The following ZDHHC19 variants were observed in gnomAD, a reference collection of about 807,000 sequenced individuals.
ZDHHC19 encodes the protein palmitoyltransferase ZDHHC19.
A neutral mutation model predicts 33.9 loss-of-function variants in ZDHHC19; 30 were observed. The observed-to-expected ratio is 0.88, with a 90% CI of 0.66 to 1.20. The LOEUF (loss-of-function observed/expected upper bound fraction) is 1.20. ZDHHC19 is among the 50% of genes most tolerant of loss of function. ZDHHC19 has a pLI of 0.00. For missense variants in ZDHHC19, 364 were observed against 401.1 expected (o/e 0.91, Z 0.79); for synonymous variants, 178 against 167.6 (o/e 1.06, Z -0.48).
Position 196,198,441 on chromosome 3 carries a change from C to T in ZDHHC19, c.784G>A (p.Glu262Lys), listed in dbSNP as rs375626877. 1.5e-5 allele frequency: 24 copies of T among 1,570,312 alleles called. No homozygotes were observed. The African/African-American group carries it at 3.0e-4, about 19-fold the overall frequency. ...CAPLGPKYMA[E>K]AVQLQRVVGP... ...ACCACTCTCTGCAGCTGGACAGCTT[C>T]AGCCATGTACCTGGGGAGCAGCAGG... The change falls in exon 7 of 8, where the codon GAA (glutamate) becomes AAA (lysine). Residue 262 changes from glutamate (E) to lysine (K), a missense_variant. By Grantham distance (56) the Glu-to-Lys change is moderately conservative. Transcript: ENST00000296326.
At chr3:196,199,399 C>T (rs1337375188) in intron 5 of ZDHHC19, 2 of 160,002 alleles carry the variant, frequency 1.2e-5, no homozygotes, top group Admixed American at 1.2e-4. Context: ...GGCCCAGCAG[C>T]ATCTCTGCCC....
chr3:196,209,993 C>T (rs1723086074), intron 2 of ZDHHC19, among the ~76,000 whole-genome samples: 1 of 152,156 alleles, frequency 6.6e-6, no homozygotes, highest in African/African-American at 2.4e-5. Flanking sequence ...AGTTCGAGAC[C>T]AGCCTGGCCA....
At chr3:196,208,350 C>T in intron 4 of ZDHHC19, 38 bp downstream of exon 4, 4 of 1,485,002 alleles carry the variant, frequency 2.7e-6, no homozygotes, top group Non-Finnish European at 3.6e-6. Flanking sequence ...CCTTGGCTGT[C>T]CCCGCCTCCT....
intron 1 of ZDHHC19, 110 bp downstream of exon 1, chr3:196,211,060 T>C: frequency 6.5e-7 from 1 of 1,548,558 alleles, no homozygotes; most frequent in African/African-American, 1.4e-5. Flanking sequence ...TATCCCCTTT[T>C]CCCTGACCTC....
intron 5 of ZDHHC19, 140 bp downstream of exon 5, chr3:196,207,258 C>CT (rs1722810315): frequency 1.5e-6 from 1 of 679,810 alleles, no homozygotes; most frequent in Admixed American, 2.7e-5. Context: ...ATTGGAGCCT[C>CT]TTAAGAGCTG....
In ZDHHC19 at chr3:196,209,701, C is replaced by T. The variant is rs190867222; in HGVS notation, c.269-186G>A. ...AGTCAAAGGGAAGACGGGTTTCCAG[C>T]CAGGAGAGTTTTGTATGAAACTCAG... On this transcript the variant is annotated intron_variant, in intron 2 of 7. Coordinates refer to ENST00000296326, the MANE Select transcript of ZDHHC19 (RefSeq NM_001039617.2). Among the ~76,000 whole-genome samples the T allele has an allele frequency of 3.2e-4, 49 of 152,326 alleles. 1 individual carries two copies. The highest frequency in any genetic ancestry group is 2.7e-3 in the Admixed American group (41 of 15,302).
rs1722522432 is a variant in ZDHHC19 at position 196,203,586 on chromosome 3, G to A, written c.687+3812C>T. ...AGAAGGCCTGAGGCAGGTGCTGCGG[G>A]CTGCGGGAAGGAGCCCTGCCTGGTG... On this transcript the variant is annotated intron_variant, in intron 5 of 7. Transcript: ENST00000296326. This position sits in a 1 kb window ranked among gnomAD's most constrained non-coding sequence, Gnocchi z 4.3. Among the ~76,000 whole-genome samples, 1 of 152,218 alleles carries A rather than the reference G, an allele frequency of 6.6e-6. No individual in the cohort carries two copies. Among genetic ancestry groups the A allele is most frequent in the Non-Finnish European group, 1.5e-5 (1 of 68,042 alleles).
intron 5 of ZDHHC19, among the ~76,000 whole-genome samples, chr3:196,200,585 A>G (rs915861350): frequency 2.0e-5 from 3 of 148,742 alleles, no homozygotes; most frequent in Non-Finnish European, 4.4e-5. Context: ...CGATCTCCTG[A>G]CCTCGTGATC....
intron 5 of ZDHHC19, among the ~76,000 whole-genome samples, chr3:196,204,443 T>A (rs1203546093): frequency 6.6e-6 from 1 of 152,220 alleles, no homozygotes; most frequent in East Asian, 1.9e-4. Context: ...AGAATGTCAA[T>A]TCTCCCCAAA....
At chr3:196,200,424 A>G (rs1421548686) in intron 5 of ZDHHC19, among the ~76,000 whole-genome samples, 49 of 136,380 alleles carry the variant, frequency 3.6e-4, no homozygotes, top group East Asian at 8.8e-4. Flanking sequence ...GCGCGATCTC[A>G]GCTCACTGCA....
rs762142418 is a variant in ZDHHC19, at chr3:196,211,260, A to G, written c.56T>C (p.Leu19Pro). The change falls in exon 1 of 8, where the codon CTG (leucine) becomes CCG (proline). Residue 19 changes from leucine to proline, a missense_variant. By Grantham distance (98) the Leu-to-Pro change is moderately conservative (BLOSUM62 -3). Transcript: ENST00000296326. ...PLVKEPHPLP[L>P]VPRPWFLPSL... Reference sequence around the variant, plus strand: ...AGGGAGGAACCAGGGACGTGGGACCAGAGGCAGGGGATGGGGCTCCTTCAC... The same window carrying G: ...AGGGAGGAACCAGGGACGTGGGACCGGAGGCAGGGGATGGGGCTCCTTCAC... 1.2e-5 allele frequency: 19 copies of G among 1,614,066 alleles called. No individual in the cohort carries two copies. Among genetic ancestry groups the G allele is most frequent in the Non-Finnish European group, 1.6e-5 (19 of 1,180,032 alleles).
At chr3:196,199,299 A>G in intron 5 of ZDHHC19, 1 of 170,828 alleles carries the variant, frequency 5.9e-6, no homozygotes, top group South Asian at 1.3e-4. Flanking sequence ...CATCCACCTC[A>G]CCCCCTCCCA....
At chr3:196,208,831 T>C (rs1722991164) in intron 3 of ZDHHC19, 8 of 476,580 alleles carry the variant, frequency 1.7e-5, no homozygotes, top group Middle Eastern at 5.7e-4. Flanking sequence ...CACATCCTAC[T>C]GTAACTCTGG....
chr3:196,209,254 C>A (rs1723019716), intron 3 of ZDHHC19, 122 bp downstream of exon 3: 2 of 1,373,590 alleles, frequency 1.5e-6, no homozygotes, highest in Non-Finnish European at 1.9e-6. Flanking sequence ...GTTACTGCCA[C>A]CCTTGGCCTT....
In ZDHHC19 at chr3:196,198,999, G is replaced by T. The variant is rs1017520103; in HGVS notation, c.688-125C>A. The T allele has an allele frequency of 2.3e-5, 21 of 913,418 alleles. No individual in the cohort carries two copies. In the African/African-American group the frequency reaches 3.4e-4, roughly 15 times the overall value. The allele number at this position is 913,418 out of a possible 1,614,324, so 56.6% of individuals were successfully genotyped here. On this transcript the variant is annotated intron_variant, in intron 5 of 7. Transcript: ENST00000296326. ...CAGCCCAGGGCACCAGCAAGCTGGA[G>T]GCCAGGAGACTGAAGGACCTCCCCA...
At chr3:196,198,239 A>T in intron 7 of ZDHHC19, 37 bp downstream of exon 7, 1 of 1,442,394 alleles carries the variant, frequency 6.9e-7, no homozygotes, top group Non-Finnish European at 9.1e-7. Flanking sequence ...CCCCCTCCCG[A>T]CACGCACAGA....
intron 5 of ZDHHC19, among the ~76,000 whole-genome samples, chr3:196,204,980 C>T (rs1722624962): frequency 6.6e-6 from 1 of 152,084 alleles, no homozygotes; most frequent in Non-Finnish European, 1.5e-5. Flanking sequence ...GTGGCTCACA[C>T]CTGTTGTCTT....
intron 2 of ZDHHC19, among the ~76,000 whole-genome samples, chr3:196,209,970 T>C (rs909701907): frequency 2.0e-5 from 3 of 152,136 alleles, no homozygotes; most frequent in African/African-American, 7.2e-5. Context: ...GGTGGGCTGA[T>C]CATGAGGTCA....
At chr3:196,206,245 T>C (rs1722722012) in intron 5 of ZDHHC19, among the ~76,000 whole-genome samples, 1 of 151,520 alleles carries the variant, frequency 6.6e-6, no homozygotes, top group Admixed American at 6.6e-5. Context: ...AGAAACAGGG[T>C]TTCACCTTGT....
Sources: gnomAD v4.1 joint callset for allele counts (sites outside exome capture counted in the v4.1 genomes callset) on GRCh38, gnomAD v4.1.1 for gene constraint, Gnocchi (gnomAD v3.1) non-coding constraint, MANE v1.5 for transcripts, NCBI Gene and HGNC (gene_info 2026-07-23, HGNC 2026-07-21) for gene names.